TRHDE: variants seen among roughly 807,000 people sequenced by gnomAD.
TRHDE encodes thyrotropin releasing hormone degrading enzyme.
In TRHDE, 72 loss-of-function variants were observed where a neutral mutation model predicts 125.7. The observed-to-expected ratio is 0.57, with a 90% CI of 0.47 to 0.70. The LOEUF is 0.70. Among genes scored for constraint, TRHDE ranks in the 30% least tolerant of loss-of-function variants. TRHDE has a pLI of 0.00. For synonymous variants in TRHDE, 509 were observed against 509.1 expected (o/e 1.00, Z 0.00); for missense variants, 1,110 against 1,327.1 (o/e 0.84, Z 2.54).
At chr12:72,531,813 C>G (rs529202102) in intron 6 of TRHDE, among the ~76,000 whole-genome samples, 2 of 152,118 alleles carry the variant, frequency 1.3e-5, no homozygotes, top group African/African-American at 4.8e-5. Context: ...TTGATCTGGT[C>G]CCTAGTTTAT....
At chr12:72,568,225 A>AAGTT (rs1171405325) in intron 9 of TRHDE, among the ~76,000 whole-genome samples, 2 of 152,140 alleles carry the variant, frequency 1.3e-5, no homozygotes, top group Admixed American at 1.3e-4. Context: ...AAGTAGAAAG[A>AAGTT]AGTTATGTTT....
chr12:72,311,913 C>CT (rs11410885), intron 2 of TRHDE, among the ~76,000 whole-genome samples: 47,170 of 151,718 alleles, frequency 0.31, 7,546 homozygotes, highest in African/African-American at 0.38. Context: ...TCTTACTCTT[C>CT]TTTTTTTTAT....
At chr12:72,516,856 C>G (rs199628195) in intron 6 of TRHDE, among the ~76,000 whole-genome samples, 240 of 150,868 alleles carry the variant, frequency 1.6e-3, no homozygotes, top group East Asian at 0.015. Context: ...TAGCATGAAG[C>G]GTTGTTGAAT....
chr12:72,390,764 T>A (rs1210186313), intron 3 of TRHDE, among the ~76,000 whole-genome samples: 1 of 152,202 alleles, frequency 6.6e-6, no homozygotes, highest in Non-Finnish European at 1.5e-5. Context: ...GTTATTATAA[T>A]CAGGACATCA....
chr12:72,092,739 A>G (rs760262559), intron 1 of TRHDE, among the ~76,000 whole-genome samples: 2 of 152,242 alleles, frequency 1.3e-5, no homozygotes, highest in African/African-American at 2.4e-5. Context: ...TCCAAAATGC[A>G]TGTACTAAGA....
intron 3 of TRHDE, among the ~76,000 whole-genome samples, chr12:72,454,953 ACTTG>A (rs143378711): frequency 0.014 from 2,130 of 152,132 alleles, 51 homozygotes; most frequent in African/African-American, 0.048. Flanking sequence ...TTCCATCCTA[ACTTG>A]CCTCCTGCCA....
rs530181296 is a variant in TRHDE, at chr12:72,145,390, G to A, written n.279+39638G>A. On this transcript the variant is annotated intron_variant and non_coding_transcript_variant, in intron 2 of 4. Transcript: ENST00000548156. ...ATGTCTTAGATTCCATCTTGAGGAA[G>A]AACCATAGTTTATTCAACCTCTCTT... Among the ~76,000 whole-genome samples the A allele has an allele frequency of 2.8e-3, 422 of 152,240 alleles. 2 individuals are homozygous for A. Among genetic ancestry groups the A allele is most frequent in the Non-Finnish European group, 5.0e-3 (342 of 68,014 alleles).
At chr12:72,101,396 T>C (rs981824247) in intron 1 of TRHDE, among the ~76,000 whole-genome samples, 1 of 152,188 alleles carries the variant, frequency 6.6e-6, no homozygotes, top group Non-Finnish European at 1.5e-5. Flanking sequence ...CTTTGAGTCT[T>C]GGTTTCAAGG....
At position 72,273,638 on chromosome 12, in the gene TRHDE, C is replaced by A; in HGVS notation, c.914+81C>A. On this transcript the variant is annotated intron_variant, in intron 1 of 18. Coordinates refer to ENST00000261180, the MANE Select transcript of TRHDE (RefSeq NM_013381.3). This position sits in a 1 kb window ranked among gnomAD's most constrained non-coding sequence, Gnocchi z 5.3. Reference sequence around the variant, plus strand: ...CTGGGCGGCCTGCGACCCCGGGGACCCAGCTGGCTTCCAATACCCGGGAAG... The same window carrying A: ...CTGGGCGGCCTGCGACCCCGGGGACACAGCTGGCTTCCAATACCCGGGAAG... The A allele has an allele frequency of 7.2e-7, 1 of 1,384,288 alleles. No homozygotes were observed. The highest frequency in any genetic ancestry group is 9.8e-7 in the Non-Finnish European group (1 of 1,024,294). The allele number at this position is 1,384,288 out of a possible 1,614,324, so 85.8% of individuals were successfully genotyped here. A position where few individuals can be genotyped will look rare whatever the true frequency, so the allele number is the denominator to read the frequency against.
intron 2 of TRHDE, among the ~76,000 whole-genome samples, chr12:72,314,265 CCTCT>C (rs1328916736): frequency 1.4e-5 from 1 of 72,088 alleles, no homozygotes; most frequent in Non-Finnish European, 2.7e-5. Context: ...CTTTTTTTTT[CCTCT>C]CTCTTTCTCT....
At chr12:72,364,879 A>G (rs867648862) in intron 2 of TRHDE, among the ~76,000 whole-genome samples, 36 of 152,114 alleles carry the variant, frequency 2.4e-4, no homozygotes, top group Non-Finnish European at 1.0e-4. Context: ...AAGTTTGATC[A>G]GGCGTAAAAT....
chr12:72,590,374 A>G (rs1230129235), intron 12 of TRHDE, among the ~76,000 whole-genome samples: 6 of 152,080 alleles, frequency 3.9e-5, no homozygotes, highest in Admixed American at 6.6e-5. Context: ...TAGTAGTGCT[A>G]TTCAGAATTA....
At chr12:72,306,276 T>C (rs1868340066) in intron 2 of TRHDE, among the ~76,000 whole-genome samples, 1 of 152,254 alleles carries the variant, frequency 6.6e-6, no homozygotes, top group Non-Finnish European at 1.5e-5. Flanking sequence ...CAGTGTTCAT[T>C]GATTCATCCA....
At chr12:72,181,376 C>T (rs1877093745) in intron 2 of TRHDE, among the ~76,000 whole-genome samples, 1 of 152,158 alleles carries the variant, frequency 6.6e-6, no homozygotes, top group African/African-American at 2.4e-5. Context: ...AATTTCTCTA[C>T]TAGCTTTATT....
At chr12:72,379,517 G>T in intron 3 of TRHDE, among the ~76,000 whole-genome samples, 1 of 152,144 alleles carries the variant, frequency 6.6e-6, no homozygotes, top group Non-Finnish European at 1.5e-5. Flanking sequence ...GGTATAACTG[G>T]CTGGGAACTT....
At chr12:72,199,775 G>A (rs964855841) in intron 2 of TRHDE, among the ~76,000 whole-genome samples, 4 of 152,070 alleles carry the variant, frequency 2.6e-5, no homozygotes, top group African/African-American at 9.7e-5. Flanking sequence ...GTGAATTAGG[G>A]GCTTGCCATT....
intron 2 of TRHDE, chr12:72,257,534 G>A (rs1295489335): frequency 6.6e-6 from 1 of 152,168 alleles, no homozygotes; most frequent in Non-Finnish European, 1.5e-5. Context: ...CAGTTTCTGT[G>A]AGTTAGATTC....
At chr12:72,371,095 G>A (rs986340600) in intron 2 of TRHDE, among the ~76,000 whole-genome samples, 1 of 151,836 alleles carries the variant, frequency 6.6e-6, no homozygotes, top group Non-Finnish European at 1.5e-5. Context: ...ATCCCTTTAC[G>A]GTCACTTATT....
At chr12:72,655,916 T>C (rs1160982961) in intron 17 of TRHDE, among the ~76,000 whole-genome samples, 1 of 152,196 alleles carries the variant, frequency 6.6e-6, no homozygotes, top group Non-Finnish European at 1.5e-5. Context: ...TCAGTGGTCA[T>C]TTAGTTCAAC....
Sources: allele counts gnomAD v4.1 joint callset (sites outside exome capture counted in the v4.1 genomes callset), GRCh38; gene constraint gnomAD v4.1.1; non-coding constraint Gnocchi (gnomAD v3.1); transcripts MANE v1.5; gene names NCBI Gene and HGNC (gene_info 2026-07-23, HGNC 2026-07-21).